Variants in SSBP1 observed in about 807,000 individuals in gnomAD.
The protein encoded by SSBP1 is single-stranded DNA-binding protein, mitochondrial.
Under a neutral mutation model 27.0 loss-of-function variants are expected in SSBP1, and 20 were observed. The observed-to-expected ratio is 0.74, with a 90% CI of 0.52 to 1.08. The LOEUF (loss-of-function observed/expected upper bound fraction) is 1.08, where lower values mean the gene tolerates loss of function less well. Ranked by LOEUF, SSBP1 falls within the 50% of genes least tolerant of loss-of-function variation. The pLI is 0.00. For missense variants in SSBP1, 137 were observed against 182.4 expected (o/e 0.75, Z 1.44); for synonymous variants, 59 against 59.3 (o/e 1.00, Z 0.02).
At chr7:141,745,197 C>T (rs17462904) in intron 5 of SSBP1, among the ~76,000 whole-genome samples, 2,643 of 152,212 alleles carry the variant, frequency 0.017, 37 homozygotes, top group South Asian at 0.058. Context: ...GAAATTATTC[C>T]TAGAGATTTA....
In SSBP1 at chr7:141,739,133, A is replaced by G. The variant is rs757348691; in HGVS notation, c.-34A>G. 6 of 1,568,636 alleles carry G rather than the reference A, an allele frequency of 3.8e-6. No individual in the cohort carries two copies. The highest frequency in any genetic ancestry group is 4.3e-6 in the Non-Finnish European group (5 of 1,162,866). On this transcript the variant is annotated 5_prime_UTR_variant, in exon 2 of 7. Coordinates refer to ENST00000265304, the MANE Select transcript of SSBP1 (RefSeq NM_003143.3). ...TGTTTTTTTCCTTCAGGAAAAGCCT[A>G]AAGATTAGACTGTAAGAAAAGAAAA...
chr7:141,747,995 CA>C (rs926171907), intron 6 of SSBP1, among the ~76,000 whole-genome samples: 2,295 of 56,030 alleles, frequency 0.041, 12 homozygotes, highest in Middle Eastern at 0.1. Flanking sequence ...AAGACTCTCT[CA>C]AAAAAAAAAA....
At chr7:141,740,074 T>G (rs1799469702) in intron 2 of SSBP1, 1 of 152,180 alleles carries the variant, frequency 6.6e-6, no homozygotes, top group African/African-American at 2.4e-5. Context: ...AATGAGACAT[T>G]GTTATTATAA....
At position 141,743,095 on chromosome 7, in the gene SSBP1, C is replaced by T. The variant is rs539232424; in HGVS notation, c.86-466C>T. Among the ~76,000 whole-genome samples, 108 of 152,340 alleles carry T rather than the reference C, an allele frequency of 7.1e-4. 1 individual carries two copies. In the Middle Eastern group the frequency reaches 0.014, roughly 19 times the overall value. ...GTCTCTCTCTCCTGACCTTGTGATC[C>T]GCCCGCCTTGGCCTCCCAAAGTGCT... On this transcript the variant is annotated intron_variant, in intron 3 of 6. Coordinates refer to ENST00000265304, the MANE Select transcript of SSBP1 (RefSeq NM_003143.3).
At chr7:141,742,261 A>T in intron 3 of SSBP1, 32 bp downstream of exon 3, 1 of 1,515,088 alleles carries the variant, frequency 6.6e-7, no homozygotes, top group Non-Finnish European at 9.2e-7. Context: ...TTAAAATGTT[A>T]TTTTTAGTAA....
Position 141,743,006 on chromosome 7 carries a change from C to T in SSBP1, c.86-555C>T, listed in dbSNP as rs571704803. Among the ~76,000 whole-genome samples, 4 of 152,340 alleles carry T rather than the reference C, an allele frequency of 2.6e-5. No individual in the cohort carries two copies. In the South Asian group the frequency reaches 6.2e-4, roughly 24 times the overall value. Reference sequence around the variant, plus strand: ...AGTAGCTGGGACTACAGGCGCCCGCCACCACGCCCAGCTAATTTTTTGTAT... The same window carrying T: ...AGTAGCTGGGACTACAGGCGCCCGCTACCACGCCCAGCTAATTTTTTGTAT... On this transcript the variant is annotated intron_variant, in intron 3 of 6. Transcript: ENST00000265304.
intron 4 of SSBP1, 95 bp from the exon 5 acceptor site, chr7:141,743,807 T>C: frequency 1.9e-6 from 3 of 1,542,368 alleles, no homozygotes; most frequent in Non-Finnish European, 2.6e-6. Flanking sequence ...GATCTGTCTT[T>C]CATTCTGTTT....
rs369564495 is a variant in SSBP1, at chr7:141,744,364, T to G, written c.314+375T>G. On this transcript the variant is annotated intron_variant, in intron 5 of 6. Coordinates refer to ENST00000265304, the MANE Select transcript of SSBP1 (RefSeq NM_003143.3). ...GCCGGGGATGCTGAGGGTGGCTTCT[T>G]GCCTGTTGGCTGCCACATGGTATTT... is the stretch of plus-strand genomic sequence containing the variant. Among the ~76,000 whole-genome samples the G allele has an allele frequency of 1.1e-3, 169 of 152,328 alleles. 1 individual carries two copies. The highest frequency in any genetic ancestry group is 3.9e-3 in the African/African-American group (161 of 41,574).
rs1799750418 is a variant in SSBP1, at chr7:141,745,586, TAAG to T, written c.403+6_403+8del. The T allele has an allele frequency of 6.2e-7, 1 of 1,613,210 alleles. No homozygotes were observed. The highest frequency in any genetic ancestry group is 1.3e-5 in the African/African-American group (1 of 74,890). ...GACAAGCAACAACAATCATAGCTGG[TAAG>T]AAGCTTGTGAAAATAGCTGTTTTTT... On this transcript the variant is annotated splice_donor_5th_base_variant and intron_variant, in intron 6 of 6. Transcript: ENST00000265304.
chr7:141,750,336 G>T lies in SSBP1; in HGVS notation c.429G>T (p.Gln143His). 2 of 1,600,394 alleles carry T rather than the reference G, an allele frequency of 1.2e-6. No homozygotes were observed. The highest frequency in any genetic ancestry group is 1.7e-6 in the Non-Finnish European group (2 of 1,176,030). ...IADNIIFLSD[Q>H]TKEKE ...ATAATATTATATTTCTGAGTGACCA[G>T]ACGAAAGAGAAGGAGTAGAAAGGAT... Residue 143 changes from glutamine to histidine, a missense_variant, in exon 7 of 7, where the codon CAG becomes CAT. By Grantham distance (24) the Gln-to-His change is conservative. Around this residue, in one of 2 missense-constraint regions of SSBP1, gnomAD observed 95 missense variants for 152.0 expected, o/e 0.62. Coordinates refer to ENST00000265304, the MANE Select transcript of SSBP1 (RefSeq NM_003143.3).
In SSBP1 at chr7:141,743,610, G is replaced by C; in HGVS notation, c.135G>C (p.Leu45Phe). The change falls in exon 4 of 7, where the codon TTG becomes TTC. Residue 45 changes from leucine to phenylalanine, a missense_variant. Transcript: ENST00000265304. ...GGCGAGTGGGTCAGGACCCTGTCTT[G>C]AGACAGGTGGAAGGAAAAAATCCAG... ...LLGRVGQDPV[L>F]RQVEGKNPVT... is the part of the protein sequence containing the mutation. 1.2e-6 allele frequency: 2 copies of C among 1,614,166 alleles called. No homozygotes were observed. The highest frequency in any genetic ancestry group is 2.2e-5 in the South Asian group (2 of 91,068).
chr7:141,741,866 G>GTT, intron 2 of SSBP1: 1 of 953,490 alleles, frequency 1.0e-6, no homozygotes, highest in Non-Finnish European at 1.3e-6. Flanking sequence ...TTCCTTTTGT[G>GTT]TGCAAACACA....
At chr7:141,739,708 G>C (rs1178845878) in intron 2 of SSBP1, 1 of 152,144 alleles carries the variant, frequency 6.6e-6, no homozygotes, top group African/African-American at 2.4e-5. Flanking sequence ...CCTTGAGCCA[G>C]CTTAGACTAC....
chr7:141,743,812 C>G, intron 4 of SSBP1, 90 bp from the exon 5 acceptor site: 2 of 1,540,348 alleles, frequency 1.3e-6, no homozygotes, highest in South Asian at 1.2e-5. Flanking sequence ...GTCTTTCATT[C>G]TGTTTGTTCT....
intron 5 of SSBP1, 56 bp from the exon 6 acceptor site, chr7:141,745,440 C>A: frequency 6.9e-7 from 1 of 1,451,166 alleles, no homozygotes; most frequent in Non-Finnish European, 9.4e-7. Flanking sequence ...CCTGACCTGA[C>A]TCTTATAAAG....
At chr7:141,743,386 T>C (rs1171280552) in intron 3 of SSBP1, among the ~76,000 whole-genome samples, 175 bp from the exon 4 acceptor site, 3 of 152,236 alleles carry the variant, frequency 2.0e-5, no homozygotes, top group Non-Finnish European at 4.4e-5. Context: ...TTCCTGTTCC[T>C]ATAGGGACAC....
At chr7:141,740,287 G>A (rs997470426) in intron 2 of SSBP1, 22 of 152,272 alleles carry the variant, frequency 1.4e-4, no homozygotes, top group African/African-American at 5.3e-4. Flanking sequence ...TTATTTGATT[G>A]GTGGACTTCT....
At chr7:141,745,733 T>C (rs1799758046) in intron 6 of SSBP1, 149 bp downstream of exon 6, 1 of 1,384,536 alleles carries the variant, frequency 7.2e-7, no homozygotes, top group African/African-American at 1.5e-5. Context: ...CTTATTTCTC[T>C]ACTTGCTAAG....
Position 141,742,069 on chromosome 7 carries a change from G to T in SSBP1, c.25-100G>T, listed in dbSNP as rs574734469. 9.2e-6 allele frequency: 8 copies of T among 868,854 alleles called. No individual in the cohort carries two copies. The African/African-American group carries it at 1.3e-4, about 15-fold the overall frequency. The allele number at this position is 868,854 out of a possible 1,614,324, so 53.8% of individuals were successfully genotyped here. On this transcript the variant is annotated intron_variant, in intron 2 of 6. Coordinates refer to ENST00000265304, the MANE Select transcript of SSBP1 (RefSeq NM_003143.3). ...TTCTCTTCTCTTCTGGAATTTTCAG[G>T]AACTACTGACTATATGGTGAATGAA... is the stretch of plus-strand genomic sequence containing the variant.
Sources: allele counts gnomAD v4.1 joint callset (sites outside exome capture counted in the v4.1 genomes callset), GRCh38; gene constraint gnomAD v4.1.1; regional missense constraint gnomAD v4.1.1; transcripts MANE v1.5; gene names NCBI Gene and HGNC (gene_info 2026-07-23, HGNC 2026-07-21).